Variants in SLC35F2 observed in about 807,000 individuals in gnomAD.
SLC35F2 encodes the protein solute carrier family 35 member F2, also known as queuine/queuosine transporter SLC35F2.
Under a neutral mutation model 38.1 loss-of-function variants are expected in SLC35F2, and 25 were observed. The ratio of observed to expected loss-of-function variants is 0.66; its 90% CI spans 0.48 to 0.92. The LOEUF (loss-of-function observed/expected upper bound fraction) is 0.92. Among genes scored for constraint, SLC35F2 ranks in the 40% least tolerant of loss-of-function variants. The pLI, the probability that SLC35F2 is intolerant of heterozygous loss-of-function variation, is 0.00. For synonymous variants in SLC35F2, 173 were observed against 181.7 expected (o/e 0.95, Z 0.38); for missense variants, 409 against 452.9 (o/e 0.90, Z 0.88).
chr11:107,810,481 A>G (rs2134783922), intron 3 of SLC35F2: 7 of 981,966 alleles, frequency 7.1e-6, no homozygotes, highest in Non-Finnish European at 8.5e-6. Flanking sequence ...ACAAGAAAAT[A>G]CCATTTTCTA....
At chr11:107,815,745 A>G in intron 2 of SLC35F2, 45 bp downstream of exon 2, 1 of 1,545,862 alleles carries the variant, frequency 6.5e-7, no homozygotes, top group Non-Finnish European at 8.7e-7. Context: ...AGTAATTTTT[A>G]TGAAGATAAT....
intron 1 of SLC35F2, among the ~76,000 whole-genome samples, chr11:107,827,690 A>T (rs1030521794): frequency 4.0e-5 from 6 of 151,356 alleles, no homozygotes; most frequent in African/African-American, 1.5e-4. Flanking sequence ...CAGTGGTTGC[A>T]GTGAGCCGAG....
At chr11:107,831,511 C>T (rs1859841116) in intron 1 of SLC35F2, among the ~76,000 whole-genome samples, 1 of 152,180 alleles carries the variant, frequency 6.6e-6, no homozygotes, top group Non-Finnish European at 1.5e-5. Context: ...AGACGTGCAC[C>T]ACCACACCCA....
rs777005604 is a variant in SLC35F2, at chr11:107,811,684, T to C, written c.397A>G (p.Thr133Ala). Residue 133 changes from threonine to alanine, a missense_variant, in exon 3 of 8, where the codon ACT becomes GCT. Coordinates refer to ENST00000525815, the MANE Select transcript of SLC35F2 (RefSeq NM_017515.5). ...CCTCTTACCTGGACACTGGTTAGAG[T>C]TGTGTACTGGTAGGCTCTGACGATC... is the stretch of plus-strand genomic sequence containing the variant. ...YVIVRAYQYT[T>A]LTSVQLLDCF... 4.3e-6 allele frequency: 7 copies of C among 1,613,730 alleles called. No homozygotes were observed. In the South Asian group the frequency reaches 6.6e-5, roughly 15 times the overall value.
chr11:107,818,926 A>T (rs1324276361), intron 1 of SLC35F2, among the ~76,000 whole-genome samples: 1 of 152,144 alleles, frequency 6.6e-6, no homozygotes, highest in African/African-American at 2.4e-5. Context: ...GGATTGCTTG[A>T]GCCCAAGAGT....
intron 1 of SLC35F2, chr11:107,816,385 A>G: frequency 1.6e-6 from 1 of 627,552 alleles, no homozygotes; most frequent in Non-Finnish European, 2.0e-6. Context: ...AGACTCAAGC[A>G]ATCCTCCCAC....
Position 107,853,613 on chromosome 11 carries a change from G to A in SLC35F2, c.110+5045C>T, listed in dbSNP as rs537043757. Reference sequence around the variant, plus strand: ...TGGGCGCCTGTAGTCCCAGCTACTCGGGAGGCTGAGGCAGGAGAATGGCGT... The same window carrying A: ...TGGGCGCCTGTAGTCCCAGCTACTCAGGAGGCTGAGGCAGGAGAATGGCGT... On this transcript the variant is annotated intron_variant, in intron 1 of 7. Transcript: ENST00000525815. Among the ~76,000 whole-genome samples the A allele has an allele frequency of 7.8e-3, 1,180 of 151,626 alleles. 14 individuals carry two copies. Among genetic ancestry groups the A allele is most frequent in the African/African-American group, 0.027 (1,127 of 41,350 alleles).
chr11:107,843,474 C>G (rs1005142737), intron 1 of SLC35F2, among the ~76,000 whole-genome samples: 1 of 151,452 alleles, frequency 6.6e-6, no homozygotes, highest in Non-Finnish European at 1.5e-5. Flanking sequence ...CGCTTGAACC[C>G]AAGAGGTGGA....
chr11:107,818,072 A>AAAAAGAAAGAAAGAAAG (rs1555084051), intron 1 of SLC35F2, among the ~76,000 whole-genome samples: 3 of 68,440 alleles, frequency 4.4e-5, no homozygotes, highest in Non-Finnish European at 7.9e-5. Flanking sequence ...AAAAAAAAAA[A>AAAAAGAAAGAAAGAAAG]AAAGAAAGAA....
intron 3 of SLC35F2, among the ~76,000 whole-genome samples, chr11:107,808,674 C>T (rs1024854679): frequency 6.6e-6 from 1 of 152,150 alleles, no homozygotes; most frequent in African/African-American, 2.4e-5. Context: ...GAGTCCAACG[C>T]ATCATGTGTA....
At chr11:107,815,579 CAACA>C (rs1859557942) in intron 2 of SLC35F2, among the ~76,000 whole-genome samples, 4 of 150,862 alleles carry the variant, frequency 2.7e-5, no homozygotes, top group South Asian at 2.1e-4. Context: ...ACAACAACAA[CAACA>C]ACACACACAC....
intron 1 of SLC35F2, among the ~76,000 whole-genome samples, chr11:107,853,719 CAAAAAA>C (rs67932834): frequency 8.8e-5 from 6 of 68,190 alleles, no homozygotes; most frequent in East Asian, 3.8e-4. Flanking sequence ...GACTCCGTCT[CAAAAAA>C]AAAAAAAAAA....
intron 1 of SLC35F2, among the ~76,000 whole-genome samples, chr11:107,848,370 T>C (rs1860129480): frequency 6.6e-6 from 1 of 152,198 alleles, no homozygotes; most frequent in African/African-American, 2.4e-5. Context: ...GCAGAGCCCT[T>C]TCTTCACACA....
chr11:107,842,247 C>T (rs1488225048), intron 1 of SLC35F2, among the ~76,000 whole-genome samples: 2 of 29,606 alleles, frequency 6.8e-5, no homozygotes, highest in East Asian at 8.9e-4. Context: ...CAGAGTGAGA[C>T]TCCGTCTCAC....
rs372300208 is a variant in SLC35F2 at position 107,836,898 on chromosome 11, CTATT to C, written c.111-20937_111-20934del. On this transcript the variant is annotated intron_variant, in intron 1 of 7. Coordinates refer to ENST00000525815, the MANE Select transcript of SLC35F2 (RefSeq NM_017515.5). Reference sequence around the variant, plus strand: ...CAACACTTGAATCATAATGTTATAACTATTTACATTCATCTCAGCGAATTTCCTT... The same window carrying C: ...CAACACTTGAATCATAATGTTATAACTACATTCATCTCAGCGAATTTCCTT... Among the ~76,000 whole-genome samples the C allele has an allele frequency of 4.0e-4, 61 of 152,298 alleles. 2 individuals carry two copies. Among genetic ancestry groups the C allele is most frequent in the African/African-American group, 1.4e-3 (59 of 41,558 alleles).
chr11:107,805,563 C>A (rs1022114706), intron 4 of SLC35F2, 48 bp from the exon 5 acceptor site: 1 of 1,582,220 alleles, frequency 6.3e-7, no homozygotes. Flanking sequence ...AACAGATGAA[C>A]CTCCACAGCG....
At position 107,792,056 on chromosome 11, in the gene SLC35F2, A is replaced by G. The variant is rs1859141570; in HGVS notation, c.*559T>C. 6.6e-6 allele frequency: 1 copy of G among 150,552 alleles called. No homozygotes were observed. The highest frequency in any genetic ancestry group is 2.5e-5 in the African/African-American group (1 of 40,736). The allele number at this position is 150,552 out of a possible 1,614,324, so 9.3% of individuals were successfully genotyped here. ...TAATGCTTGTATAGTACTCACACTT[A>G]TATCTCAAGACTTTTCAAGGGCTGA... On this transcript the variant is annotated 3_prime_UTR_variant, in exon 8 of 8. Transcript: ENST00000525815.
At chr11:107,816,879 A>G (rs1035669893) in intron 1 of SLC35F2, among the ~76,000 whole-genome samples, 8 of 152,154 alleles carry the variant, frequency 5.3e-5, no homozygotes, top group African/African-American at 1.9e-4. Flanking sequence ...ATGAGCATAA[A>G]TGTGGTGGCT....
intron 1 of SLC35F2, among the ~76,000 whole-genome samples, chr11:107,836,888 AATGTT>A (rs1177148019): frequency 1.3e-5 from 2 of 152,234 alleles, no homozygotes; most frequent in Non-Finnish European, 1.5e-5. Context: ...CTTGAATCAT[AATGTT>A]ATAACTATTT....
Sources: allele counts gnomAD v4.1 joint callset (sites outside exome capture counted in the v4.1 genomes callset), GRCh38; gene constraint gnomAD v4.1.1; transcripts MANE v1.5; gene names NCBI Gene and HGNC (gene_info 2026-07-23, HGNC 2026-07-21).